PLEKHA2: variants seen among roughly 807,000 people sequenced by gnomAD.
PLEKHA2 encodes the protein pleckstrin homology domain-containing family A member 2.
PLEKHA2 carries 28 observed loss-of-function variants against 53.2 expected under a neutral mutation model. The ratio of observed to expected loss-of-function variants is 0.53; its 90% CI spans 0.39 to 0.72. The LOEUF (loss-of-function observed/expected upper bound fraction) is 0.72. Among genes scored for constraint, PLEKHA2 ranks in the 30% least tolerant of loss-of-function variants. The pLI, the probability that PLEKHA2 is intolerant of heterozygous loss-of-function variation, is 0.00. For missense variants in PLEKHA2, 426 were observed against 537.9 expected (o/e 0.79, Z 2.06); for synonymous variants, 193 against 196.4 (o/e 0.98, Z 0.14).
intron 2 of PLEKHA2, among the ~76,000 whole-genome samples, chr8:38,932,692 AGTCACTGG>A (rs1192743949): frequency 2.6e-5 from 4 of 152,226 alleles, no homozygotes; most frequent in African/African-American, 9.6e-5. Flanking sequence ...TTCTAGGTCC[AGTCACTGG>A]AGTGGACCCT....
At chr8:38,943,862 C>T (rs142276953) in intron 4 of PLEKHA2, 25 bp downstream of exon 4, 2 of 1,552,946 alleles carry the variant, frequency 1.3e-6, no homozygotes, top group Non-Finnish European at 1.7e-6. Context: ...AGGGGAGGGA[C>T]TCATTTAATA....
intron 5 of PLEKHA2, among the ~76,000 whole-genome samples, chr8:38,948,416 G>A (rs375903146): frequency 6.6e-6 from 1 of 152,208 alleles, no homozygotes; most frequent in Non-Finnish European, 1.5e-5. Flanking sequence ...ATGCAGCAAA[G>A]AGCTTATCAG....
Position 38,952,716 on chromosome 8 carries a change from C to T in PLEKHA2, c.702+12C>T. Reference sequence around the variant, plus strand: ...TCAAGTGTGAGCAGGTTTGTAGTAGCTTTGCTGCCCTTCTGAGAGGTCATG... The same window carrying T: ...TCAAGTGTGAGCAGGTTTGTAGTAGTTTTGCTGCCCTTCTGAGAGGTCATG... On this transcript the variant is annotated intron_variant, in intron 8 of 11. Coordinates refer to ENST00000617275, the MANE Select transcript of PLEKHA2 (RefSeq NM_021623.2). The T allele has an allele frequency of 6.2e-7, 1 of 1,609,704 alleles. No individual in the cohort carries two copies. The highest frequency in any genetic ancestry group is 8.5e-7 in the Non-Finnish European group (1 of 1,177,588).
intron 6 of PLEKHA2, 78 bp downstream of exon 6, chr8:38,951,068 A>T: frequency 1.4e-6 from 1 of 712,744 alleles, no homozygotes; most frequent in Admixed American, 3.4e-5. Flanking sequence ...TGCTCGGAGC[A>T]CTGTACTGGG....
At chr8:38,948,974 G>A (rs950833309) in intron 5 of PLEKHA2, among the ~76,000 whole-genome samples, 7 of 152,096 alleles carry the variant, frequency 4.6e-5, no homozygotes, top group African/African-American at 1.7e-4. Context: ...GGGTTCAAGC[G>A]ATTCTCCTGC....
At chr8:38,933,329 A>G (rs1834428341) in intron 2 of PLEKHA2, among the ~76,000 whole-genome samples, 1 of 152,158 alleles carries the variant, frequency 6.6e-6, no homozygotes, top group African/African-American at 2.4e-5. Context: ...AGGGTTTAGC[A>G]TCTCTGTTTT....
rs746681204 is a variant in PLEKHA2 at position 38,969,426 on chromosome 8, G to A, written c.921G>A (p.Thr307=). The A allele has an allele frequency of 9.3e-6, 15 of 1,607,528 alleles. No individual in the cohort carries two copies. Among genetic ancestry groups the A allele is most frequent in the East Asian group, 2.2e-5 (1 of 44,846 alleles). ...VQALKCHPRE[T]SFSRSISLTR... ...TCTTCCTTTTATTTTTATAGGAAAC[G>A]TCCTTTTCTAGATCCATTTCTTTGA... The change falls in exon 12 of 12, where the codon ACG becomes ACA. Residue 307 remains threonine (T), a synonymous_variant. Coordinates refer to ENST00000617275, the MANE Select transcript of PLEKHA2 (RefSeq NM_021623.2).
chr8:38,944,973 A>G (rs528965314), intron 4 of PLEKHA2, among the ~76,000 whole-genome samples: 3 of 152,332 alleles, frequency 2.0e-5, no homozygotes, highest in African/African-American at 7.2e-5. Flanking sequence ...GGAGACGCAG[A>G]TGGCAGTGCC....
Position 38,950,907 on chromosome 8 carries a change from C to G in PLEKHA2, c.403C>G (p.Pro135Ala). 1 of 1,614,010 alleles carries G rather than the reference C, an allele frequency of 6.2e-7. No homozygotes were observed. Among genetic ancestry groups the G allele is most frequent in the Non-Finnish European group, 8.5e-7 (1 of 1,179,892 alleles). The change falls in exon 6 of 12, where the codon CCT (proline) becomes GCT (alanine). Residue 135 changes from proline (P) to alanine (A), a missense_variant. Coordinates refer to ENST00000617275, the MANE Select transcript of PLEKHA2 (RefSeq NM_021623.2). ...TGAAGTTCTCAAGAGCTTAGCAGCTCCTCCAGCCCTGGAGAAGAAGCCACA... is the reference window on the plus strand; with the variant it reads ...TGAAGTTCTCAAGAGCTTAGCAGCTGCTCCAGCCCTGGAGAAGAAGCCACA... ...TTEVLKSLAA[P>A]PALEKKPQVA...
chr8:38,935,485 C>T (rs1316687755), intron 2 of PLEKHA2, among the ~76,000 whole-genome samples: 1 of 149,418 alleles, frequency 6.7e-6, no homozygotes, highest in East Asian at 2.0e-4. Context: ...GTGGCATGAA[C>T]ACAGCTTACC....
At chr8:38,933,790 A>AAAAAG (rs1554557186) in intron 2 of PLEKHA2, among the ~76,000 whole-genome samples, 1,684 of 84,604 alleles carry the variant, frequency 0.02, 34 homozygotes, top group Middle Eastern at 0.05. Flanking sequence ...AAAAAAAAAA[A>AAAAAG]AAAAGAAAAG....
intron 10 of PLEKHA2, among the ~76,000 whole-genome samples, chr8:38,959,269 T>TG (rs1434025842): frequency 6.6e-6 from 1 of 152,100 alleles, no homozygotes; most frequent in East Asian, 1.9e-4. Context: ...CTCAGTCTGT[T>TG]GGGGGAAAAG....
intron 3 of PLEKHA2, among the ~76,000 whole-genome samples, chr8:38,938,047 A>G (rs1834529448): frequency 6.6e-6 from 1 of 152,258 alleles, no homozygotes; most frequent in Non-Finnish European, 1.5e-5. Flanking sequence ...CAATGGCAAC[A>G]GAACCAGTTC....
At chr8:38,958,795 C>T (rs1333606412) in intron 10 of PLEKHA2, among the ~76,000 whole-genome samples, 1 of 152,156 alleles carries the variant, frequency 6.6e-6, no homozygotes, top group East Asian at 1.9e-4. Context: ...GAGTGCTGGG[C>T]ATTTTGTCTC....
At chr8:38,952,029 C>T (rs888869672) in intron 6 of PLEKHA2, 137 bp from the exon 7 acceptor site, 15 of 1,130,080 alleles carry the variant, frequency 1.3e-5, no homozygotes, top group African/African-American at 1.3e-4. Context: ...GGATTACAGG[C>T]GTGAGCCACT....
chr8:38,959,794 C>T (rs1835009315), intron 10 of PLEKHA2, among the ~76,000 whole-genome samples: 1 of 152,104 alleles, frequency 6.6e-6, no homozygotes, highest in African/African-American at 2.4e-5. Context: ...GACAGGTATG[C>T]CCGGATGTTT....
chr8:38,920,608 G>A (rs922859608), intron 2 of PLEKHA2, among the ~76,000 whole-genome samples: 6 of 143,046 alleles, frequency 4.2e-5, no homozygotes, highest in Middle Eastern at 3.4e-3. Flanking sequence ...ATCTTACTCC[G>A]TTGCCCAGGC....
chr8:38,925,674 T>A (rs1007181029), intron 2 of PLEKHA2, among the ~76,000 whole-genome samples: 1 of 152,226 alleles, frequency 6.6e-6, no homozygotes, highest in South Asian at 2.1e-4. Context: ...GTTCTTTCCA[T>A]TGATGGGGTG....
chr8:38,948,787 G>A (rs113113565), intron 5 of PLEKHA2, among the ~76,000 whole-genome samples: 6,077 of 152,246 alleles, frequency 0.04, 420 homozygotes, highest in African/African-American at 0.14. Context: ...TAGATGTAGG[G>A]TGTTGCGTTC....
Sources: allele counts gnomAD v4.1 joint callset (sites outside exome capture counted in the v4.1 genomes callset), GRCh38; gene constraint gnomAD v4.1.1; transcripts MANE v1.5; gene names NCBI Gene and HGNC (gene_info 2026-07-23, HGNC 2026-07-21).